KCNJ6: variants seen among roughly 807,000 people sequenced by gnomAD.
The protein encoded by KCNJ6 is G protein-activated inward rectifier potassium channel 2.
In KCNJ6, 9 loss-of-function variants were observed where a neutral mutation model predicts 34.2. The observed-to-expected ratio is 0.26, with a 90% CI of 0.16 to 0.46. The LOEUF is 0.46. Among genes scored for constraint, KCNJ6 ranks in the 20% least tolerant of loss-of-function variants. The probability of loss-of-function intolerance (pLI) is 1.00; values close to 1 mark genes in which losing one functional copy is unlikely to be tolerated. For missense variants in KCNJ6, 236 were observed against 531.3 expected (o/e 0.44, Z 5.46); for synonymous variants, 196 against 207.1 (o/e 0.95, Z 0.46).
At chr21:37,638,875 C>A (rs1328476150) in intron 3 of KCNJ6, among the ~76,000 whole-genome samples, 1 of 152,224 alleles carries the variant, frequency 6.6e-6, no homozygotes, top group Non-Finnish European at 1.5e-5. Context: ...GAATTCTCAA[C>A]AACCTGTATA....
At chr21:37,795,759 C>CAAAA (rs1555845108) in intron 2 of KCNJ6, among the ~76,000 whole-genome samples, 13 of 148,822 alleles carry the variant, frequency 8.7e-5, no homozygotes, top group African/African-American at 2.2e-4. Flanking sequence ...AAAAAAAAAC[C>CAAAA]CTGCCACATA....
chr21:37,794,664 G>A (rs892077234), intron 2 of KCNJ6, among the ~76,000 whole-genome samples: 5 of 152,152 alleles, frequency 3.3e-5, no homozygotes, highest in African/African-American at 1.2e-4. Context: ...ATTCATAAGT[G>A]GGAGTTGAAC....
At chr21:37,745,963 A>G (rs945620191) in intron 2 of KCNJ6, among the ~76,000 whole-genome samples, 2 of 152,178 alleles carry the variant, frequency 1.3e-5, no homozygotes. Context: ...GGGAAACCCA[A>G]GCTCAAGGTG....
intron 3 of KCNJ6, among the ~76,000 whole-genome samples, chr21:37,661,613 A>ATTTTTTTTT (rs1324340711): frequency 2.1e-5 from 1 of 47,270 alleles, no homozygotes; most frequent in Non-Finnish European, 4.5e-5. Context: ...TAAGAGACAT[A>ATTTTTTTTT]GTTTTTTTTT....
At chr21:37,885,503 G>T (rs573941573) in intron 1 of KCNJ6, among the ~76,000 whole-genome samples, 1 of 152,324 alleles carries the variant, frequency 6.6e-6, no homozygotes, top group African/African-American at 2.4e-5. Context: ...TCCTGTGGGG[G>T]CAGACCTGAG....
At chr21:37,699,529 AG>A (rs375337579) in intron 3 of KCNJ6, among the ~76,000 whole-genome samples, 8 of 152,168 alleles carry the variant, frequency 5.3e-5, no homozygotes, top group African/African-American at 1.7e-4. Context: ...CCTCTGGCAG[AG>A]GGGAGGAGAT....
chr21:37,869,088 T>C (rs1312554998), intron 1 of KCNJ6, among the ~76,000 whole-genome samples: 1 of 152,174 alleles, frequency 6.6e-6, no homozygotes, highest in East Asian at 1.9e-4. Flanking sequence ...AGTGAATTCT[T>C]TAGGGATGAT....
At position 37,795,573 on chromosome 21, in the gene KCNJ6, C is replaced by T. The variant is rs561293921; in HGVS notation, c.25+45085G>A. Among the ~76,000 whole-genome samples, 10 of 151,942 alleles carry T rather than the reference C, an allele frequency of 6.6e-5. No homozygotes were observed. In the Middle Eastern group the frequency reaches 0.01, roughly 155 times the overall value. On this transcript the variant is annotated intron_variant, in intron 2 of 3. Coordinates refer to ENST00000609713, the MANE Select transcript of KCNJ6 (RefSeq NM_002240.5). The stretch of plus-strand genomic sequence containing the variant: ...CAGCCTGGCCAACATGGTGAAAACC[C>T]GTCTCTACTAAAAATACAAAAATTA...
intron 1 of KCNJ6, among the ~76,000 whole-genome samples, chr21:37,889,648 C>T (rs904132187): frequency 1.3e-5 from 2 of 152,150 alleles, no homozygotes; most frequent in African/African-American, 4.8e-5. Context: ...GGCCACACTC[C>T]CTCTGAAGGC....
At chr21:37,826,228 T>A (rs1470373802) in intron 2 of KCNJ6, among the ~76,000 whole-genome samples, 2 of 152,218 alleles carry the variant, frequency 1.3e-5, no homozygotes, top group Admixed American at 6.5e-5. Context: ...ATAGTTACTT[T>A]TTTTGTTTTA....
At chr21:37,793,661 C>T (rs2055227926) in intron 2 of KCNJ6, among the ~76,000 whole-genome samples, 1 of 151,520 alleles carries the variant, frequency 6.6e-6, no homozygotes, top group Non-Finnish European at 1.5e-5. Flanking sequence ...TTGGTCCTGG[C>T]AAGAATCATG....
intron 2 of KCNJ6, among the ~76,000 whole-genome samples, chr21:37,739,051 C>T (rs1320361457): frequency 1.3e-5 from 2 of 152,108 alleles, no homozygotes. Context: ...CAGCTACCAG[C>T]CTGAAATTTG....
intron 3 of KCNJ6, among the ~76,000 whole-genome samples, chr21:37,696,796 TAAA>T (rs775980910): frequency 2.6e-5 from 4 of 152,184 alleles, no homozygotes; most frequent in Admixed American, 1.3e-4. Flanking sequence ...TTCAAATGAT[TAAA>T]AAAACTCACA....
chr21:37,660,842 C>T (rs930504906), intron 3 of KCNJ6, among the ~76,000 whole-genome samples: 17 of 152,184 alleles, frequency 1.1e-4, no homozygotes, highest in African/African-American at 3.9e-4. Context: ...TGTCTCCCAT[C>T]GGTGTCCCCG....
At chr21:37,806,844 C>T (rs2055295837) in intron 2 of KCNJ6, among the ~76,000 whole-genome samples, 1 of 151,928 alleles carries the variant, frequency 6.6e-6, no homozygotes, top group South Asian at 2.1e-4. Flanking sequence ...AATAACTAAA[C>T]CTTAAACTTA....
intron 2 of KCNJ6, among the ~76,000 whole-genome samples, chr21:37,720,869 G>A (rs563626005): frequency 2.6e-3 from 395 of 151,318 alleles, no homozygotes; most frequent in Middle Eastern, 6.8e-3. Context: ...CACCGCGCCC[G>A]GCTAATTTTT....
At chr21:37,769,286 C>G (rs2055106373) in intron 2 of KCNJ6, among the ~76,000 whole-genome samples, 1 of 151,962 alleles carries the variant, frequency 6.6e-6, no homozygotes, top group African/African-American at 2.4e-5. Flanking sequence ...TGTGTGTATG[C>G]CAGCCTCTGA....
chr21:37,629,164 G>C (rs2054323313), intron 3 of KCNJ6, among the ~76,000 whole-genome samples: 1 of 152,066 alleles, frequency 6.6e-6, no homozygotes, highest in Non-Finnish European at 1.5e-5. Flanking sequence ...AAGAACACTG[G>C]AAAAAGTAAC....
rs747739644 is a variant in KCNJ6 at position 37,825,952 on chromosome 21, G to A, written c.25+14706C>T. ...TCCCTCTGGGTCCCTCCCATGATGC[G>A]TGGGAATTTTGGGAGCTACAATTCA... On this transcript the variant is annotated intron_variant, in intron 2 of 3. Transcript: ENST00000609713. Among the ~76,000 whole-genome samples, 38 of 152,286 alleles carry A rather than the reference G, an allele frequency of 2.5e-4. No homozygotes were observed. The Middle Eastern group carries it at 0.017, about 68-fold the overall frequency.
Sources: gnomAD v4.1 joint callset for allele counts (sites outside exome capture counted in the v4.1 genomes callset) on GRCh38, gnomAD v4.1.1 for gene constraint, MANE v1.5 for transcripts, NCBI Gene and HGNC (gene_info 2026-07-23, HGNC 2026-07-21) for gene names.